Variants in KMT5C observed in about 807,000 individuals in gnomAD.
The protein encoded by KMT5C is lysine methyltransferase 5C.
KMT5C carries 16 observed loss-of-function variants against 38.2 expected under a neutral mutation model. The observed-to-expected ratio is 0.42, with a 90% confidence interval of 0.28 to 0.64. The LOEUF is 0.64. Ranked by LOEUF, KMT5C falls within the 30% of genes least tolerant of loss-of-function variation. The pLI is 0.23. For synonymous variants in KMT5C, 291 were observed against 279.0 expected, an observed-to-expected ratio of 1.04 and a Z score of -0.43; for missense variants, 598 against 665.1, an observed-to-expected ratio of 0.90 and a Z score of 1.11.
chr19:55,345,098 T>C (rs1238739422), intron 6 of KMT5C: 1 of 455,642 alleles, frequency 2.2e-6, no homozygotes, highest in Non-Finnish European at 4.4e-6. Flanking sequence ...GCAGGGCCAG[T>C]GTGCTCCAGC....
At position 55,343,087 on chromosome 19, in the gene KMT5C, T is replaced by A; in HGVS notation, c.386+236T>A. 2.0e-6 allele frequency: 1 copy of A among 501,460 alleles called. No homozygotes were observed. Among genetic ancestry groups the A allele is most frequent in the South Asian group, 2.1e-5 (1 of 47,190 alleles). The allele number at this position is 501,460 out of a possible 1,614,324, so 31.1% of individuals were successfully genotyped here. On this transcript the variant is annotated intron_variant, in intron 4 of 8. Transcript: ENST00000255613. The surrounding 1 kb of genome is among the most constrained non-coding windows in gnomAD (Gnocchi z 5.5). ...GTTCCTGGGGCTTCCAGGAAAGAAC[T>A]AGGCTTCTGGTCAGGGCCGTGCTGT... is the stretch of plus-strand genomic sequence containing the variant.
At chr19:55,342,675 G>T in intron 3 of KMT5C, 67 bp from the exon 4 acceptor site, 1 of 920,292 alleles carries the variant, frequency 1.1e-6, no homozygotes, top group Admixed American at 1.8e-5. Context: ...CAGGCCTAGA[G>T]TCCTGGAGAG....
intron 3 of KMT5C, 62 bp from the exon 4 acceptor site, chr19:55,342,680 G>A: frequency 1.0e-6 from 1 of 967,014 alleles, no homozygotes; most frequent in Admixed American, 1.8e-5. Flanking sequence ...CTAGAGTCCT[G>A]GAGAGAGAGG....
rs1209796288 is a variant in KMT5C, at chr19:55,347,260, C to T, written c.1200C>T (p.Tyr400=). 1.3e-5 allele frequency: 20 copies of T among 1,551,774 alleles called. No homozygotes were observed. The highest frequency in any genetic ancestry group is 6.1e-6 in the Non-Finnish European group (7 of 1,151,212). ...GGGCCCGGCGCTATGGGCTGCCTTA[C>T]GTGGTGCGTGTGGACCTTCGTCGCC... is the stretch of plus-strand genomic sequence containing the variant. The part of the protein sequence containing the change: ...WHWARRYGLP[Y]VVRVDLRRLA... The change falls in exon 9 of 9, where the codon TAC becomes TAT. Residue 400 remains tyrosine (Y), a synonymous_variant. Transcript: ENST00000255613. The surrounding 1 kb of genome is among the most constrained non-coding windows in gnomAD (Gnocchi z 4.6).
Position 55,347,444 on chromosome 19 carries a change from C to G in KMT5C, c.1384C>G (p.Leu462Val), listed in dbSNP as rs1170161550. The G allele has an allele frequency of 3.9e-6, 6 of 1,533,852 alleles. No homozygotes were observed. The highest frequency in any genetic ancestry group is 5.2e-6 in the Non-Finnish European group (6 of 1,146,934). The change falls in exon 9 of 9, where the codon CTG (leucine) becomes GTG (valine). Residue 462 changes from leucine (L) to valine (V), a missense_variant. Leu to Val is a conservative substitution (Grantham distance 32). Coordinates refer to ENST00000255613, the MANE Select transcript of KMT5C (RefSeq NM_032701.4). The surrounding 1 kb of genome is among the most constrained non-coding windows in gnomAD (Gnocchi z 4.6). ...SIDLDVGGEE[L>V] Reference sequence around the variant, plus strand: ...CGACCTGGATGTCGGCGGTGAAGAGCTGTGACAGGCCGGACGGGGAGGCCC... The same window carrying G: ...CGACCTGGATGTCGGCGGTGAAGAGGTGTGACAGGCCGGACGGGGAGGCCC...
intron 3 of KMT5C, 52 bp downstream of exon 3, chr19:55,342,432 CGGGCCTG>C: frequency 1.5e-6 from 2 of 1,362,538 alleles, no homozygotes; most frequent in Non-Finnish European, 1.9e-6. Flanking sequence ...CCCCGCTCAC[CGGGCCTG>C]GTCCCGCCTG....
intron 6 of KMT5C, chr19:55,344,582 C>A: frequency 2.4e-6 from 1 of 411,332 alleles, no homozygotes; most frequent in Non-Finnish European, 5.0e-6. Context: ...GGGAGCTGTG[C>A]CAATTTGGGC....
At chr19:55,345,226 CAG>C (rs1419867605) in intron 6 of KMT5C, 1 of 369,710 alleles carries the variant, frequency 2.7e-6, no homozygotes, top group Non-Finnish European at 5.4e-6. Context: ...TAAAGGAAAT[CAG>C]GGGCAAAGGG....
intron 2 of KMT5C, 65 bp downstream of exon 2, chr19:55,342,111 G>T (rs757221671): frequency 3.2e-6 from 5 of 1,572,216 alleles, no homozygotes; most frequent in East Asian, 4.5e-5. Context: ...CACCGCTGCC[G>T]CCCCTCGGCC....
In KMT5C at chr19:55,346,957, C is replaced by G. The variant is rs200304797; in HGVS notation, c.897C>G (p.Ala299=). 1.3e-5 allele frequency: 12 copies of G among 953,824 alleles called. No homozygotes were observed. The East Asian group carries it at 2.9e-4, about 23-fold the overall frequency. The allele number at this position is 953,824 out of a possible 1,614,324, so 59.1% of individuals were successfully genotyped here. Residue 299 remains alanine, a splice_region_variant and synonymous_variant, in exon 9 of 9, where the codon GCC becomes GCG. Transcript: ENST00000255613. ...TCCCTGCCACCTGGGCCTTCACAGC[C>G]GCCTGCCAGCCCCTGCGCCTGCCAG... ...PSPLRRDPFC[A]ACQPLRLPAC... is the part of the protein sequence containing the mutation.
chr19:55,346,029 G>T (rs2089612550), intron 6 of KMT5C, 184 bp from the exon 7 acceptor site: 2 of 647,500 alleles, frequency 3.1e-6, no homozygotes, highest in East Asian at 5.5e-5. Flanking sequence ...GGATTGTCCA[G>T]GGGCTACAGG....
intron 1 of KMT5C, among the ~76,000 whole-genome samples, chr19:55,341,366 A>G (rs1241318306): frequency 6.9e-6 from 1 of 145,312 alleles, no homozygotes; most frequent in Non-Finnish European, 1.5e-5. Flanking sequence ...GCTGCCGGGG[A>G]GGCAGGGGGC....
intron 4 of KMT5C, 76 bp downstream of exon 4, chr19:55,342,927 A>C (rs1219921599): frequency 2.1e-6 from 2 of 953,986 alleles, no homozygotes; most frequent in Non-Finnish European, 3.4e-6. Context: ...CCCTCTGTTC[A>C]TGGACTGGCC....
intron 6 of KMT5C, chr19:55,345,301 G>T (rs2089605171): frequency 2.8e-6 from 1 of 353,318 alleles, no homozygotes; most frequent in South Asian, 2.1e-5. Flanking sequence ...CTTTGATCCG[G>T]CAGCAAGGCC....
At chr19:55,344,792 C>T (rs1600265117) in intron 6 of KMT5C, 1 of 524,246 alleles carries the variant, frequency 1.9e-6, no homozygotes, top group East Asian at 5.6e-5. Flanking sequence ...GGGTTGGCTC[C>T]AGGGCGGCAT....
Position 55,347,615 on chromosome 19 carries a change from C to T in KMT5C, c.*166C>T, listed in dbSNP as rs1312093451. On this transcript the variant is annotated 3_prime_UTR_variant, in exon 9 of 9. Coordinates refer to ENST00000255613, the MANE Select transcript of KMT5C (RefSeq NM_032701.4). The surrounding 1 kb of genome is among the most constrained non-coding windows in gnomAD (Gnocchi z 4.6). Reference sequence around the variant, plus strand: ...TTTGGACACCCCCAGGGATCTGAGCCCTGACCCTTTGTGACTGCTGACCCC... The same window carrying T: ...TTTGGACACCCCCAGGGATCTGAGCTCTGACCCTTTGTGACTGCTGACCCC... 8.3e-6 allele frequency: 10 copies of T among 1,210,726 alleles called. No individual in the cohort carries two copies. Among genetic ancestry groups the T allele is most frequent in the South Asian group, 1.8e-5 (1 of 54,106 alleles). The allele number at this position is 1,210,726 out of a possible 1,614,324, so 75.0% of individuals were successfully genotyped here.
In KMT5C at chr19:55,346,546, C is replaced by T; in HGVS notation, c.754C>T (p.Pro252Ser). The change falls in exon 8 of 9, where the codon CCA becomes TCA. Residue 252 changes from proline to serine, a missense_variant. Transcript: ENST00000255613. Reference sequence around the variant, plus strand: ...AACCAGGCCTAGGGAGCCCGCGTTGCCACCACGGCCCCTGGACAAGTACCA... The same window carrying T: ...AACCAGGCCTAGGGAGCCCGCGTTGTCACCACGGCCCCTGGACAAGTACCA... ...FRTRPREPAL[P>S]PRPLDKYQLR... The T allele has an allele frequency of 6.3e-7, 1 of 1,595,892 alleles. No homozygotes were observed. Among genetic ancestry groups the T allele is most frequent in the Non-Finnish European group, 8.5e-7 (1 of 1,171,820 alleles).
chr19:55,344,364 A>G, intron 6 of KMT5C: 3 of 194,406 alleles, frequency 1.5e-5, no homozygotes, highest in African/African-American at 7.2e-5. Flanking sequence ...TCTGTCTCAA[A>G]AAAAAAAAAA....
chr19:55,347,276 C>T lies in KMT5C; in HGVS notation c.1216C>T (p.Leu406Phe). 1 of 1,557,970 alleles carries T rather than the reference C, an allele frequency of 6.4e-7. No homozygotes were observed. The highest frequency in any genetic ancestry group is 8.7e-7 in the Non-Finnish European group (1 of 1,154,414). The change falls in exon 9 of 9, where the codon CTT (leucine) becomes TTT (phenylalanine). Residue 406 changes from leucine (L) to phenylalanine (F), a missense_variant. By Grantham distance (22) the Leu-to-Phe change is conservative (BLOSUM62 0). Transcript: ENST00000255613. The surrounding 1 kb of genome is among the most constrained non-coding windows in gnomAD (Gnocchi z 4.6). ...GCTGCCTTACGTGGTGCGTGTGGACCTTCGTCGCCTGGCCCCAGCCCCACC... is the reference window on the plus strand; with the variant it reads ...GCTGCCTTACGTGGTGCGTGTGGACTTTCGTCGCCTGGCCCCAGCCCCACC... ...YGLPYVVRVDLRRLAPAPPAT... is the reference protein window; with the variant it reads ...YGLPYVVRVDFRRLAPAPPAT...
Sources: allele counts gnomAD v4.1 joint callset (sites outside exome capture counted in the v4.1 genomes callset), GRCh38; gene constraint gnomAD v4.1.1; non-coding constraint Gnocchi (gnomAD v3.1); transcripts MANE v1.5; gene names NCBI Gene and HGNC (gene_info 2026-07-23, HGNC 2026-07-21).